The following POPDC2 variants were observed in gnomAD, a reference collection of about 807,000 sequenced individuals.
POPDC2 encodes popeye domain cAMP effector 2.
Under a neutral mutation model 30.5 loss-of-function variants are expected in POPDC2, and 24 were observed. The observed-to-expected ratio is 0.79, with a 90% CI of 0.57 to 1.11. The LOEUF is 1.11. Ranked by LOEUF, POPDC2 falls within the 50% of genes least tolerant of loss-of-function variation. The pLI, the probability that POPDC2 is intolerant of heterozygous loss-of-function variation, is 0.00. For missense variants in POPDC2, 409 were observed against 447.0 expected (o/e 0.91, Z 0.77); for synonymous variants, 185 against 183.3 (o/e 1.01, Z -0.07).
intron 2 of POPDC2, among the ~76,000 whole-genome samples, chr3:119,649,686 G>A (rs765717960): frequency 6.6e-5 from 10 of 152,188 alleles, no homozygotes; most frequent in Non-Finnish European, 8.8e-5. Flanking sequence ...GGTGCCAGGC[G>A]TTGTGTTAAG....
intron 2 of POPDC2, among the ~76,000 whole-genome samples, chr3:119,651,467 A>T (rs1029949354): frequency 1.3e-5 from 2 of 152,052 alleles, no homozygotes; most frequent in Non-Finnish European, 2.9e-5. Flanking sequence ...TGTAAATTGC[A>T]TGAGGGGAGG....
At position 119,648,385 on chromosome 3, in the gene POPDC2, G is replaced by T; in HGVS notation, c.884C>A (p.Ser295Tyr). The change falls in exon 3 of 4, where the codon TCC becomes TAC. Residue 295 changes from serine to tyrosine, a missense_variant. Physicochemically the swap from Ser to Tyr is moderately radical, Grantham distance 144. Transcript: ENST00000493094. ...GDEEVCEPAV[S>Y]PPQATPTSLQ... ...AGAGGTGGGTGTGGCCTGAGGAGGG[G>T]ACACAGCTGGCTCACAGACTTCCTC... The T allele has an allele frequency of 6.2e-7, 1 of 1,614,138 alleles. No individual in the cohort carries two copies. The highest frequency in any genetic ancestry group is 1.1e-5 in the South Asian group (1 of 91,076).
intron 3 of POPDC2, among the ~76,000 whole-genome samples, chr3:119,646,771 C>G (rs1359814708): frequency 6.6e-6 from 1 of 152,138 alleles, no homozygotes; most frequent in East Asian, 1.9e-4. Flanking sequence ...CATGAGAAAA[C>G]AGAGAGCTGC....
intron 2 of POPDC2, among the ~76,000 whole-genome samples, chr3:119,651,637 C>T (rs919123468): frequency 4.6e-5 from 7 of 152,000 alleles, no homozygotes; most frequent in African/African-American, 1.7e-4. Context: ...TTTCTTCCCC[C>T]ACCCCACCGC....
At position 119,660,463 on chromosome 3, in the gene POPDC2, TC is replaced by T; in HGVS notation, c.-41del. On this transcript the variant is annotated 5_prime_UTR_variant, in exon 1 of 4. Transcript: ENST00000493094. ...AAAGCCTCACTGGGCTCTAATACTG[TC>T]CTCACATAGGAAATTCAGAAAATGA... 6.4e-7 allele frequency: 1 copy of T among 1,566,190 alleles called. No homozygotes were observed. The highest frequency in any genetic ancestry group is 1.2e-5 in the South Asian group (1 of 84,508).
At chr3:119,647,974 T>C (rs1056983319) in intron 3 of POPDC2, 145 bp downstream of exon 3, 6 of 571,898 alleles carry the variant, frequency 1.0e-5, no homozygotes, top group Non-Finnish European at 1.5e-5. Flanking sequence ...CCGGAGTGAG[T>C]TGCTATCTTC....
rs1577175517 is a variant in POPDC2, at chr3:119,660,510, G to A, written c.-87C>T. Reference sequence around the variant, plus strand: ...AATGAATGAATCCATCCGCTCAGGGGTCTTCTCACCTCCGGCTTCTCACTA... The same window carrying A: ...AATGAATGAATCCATCCGCTCAGGGATCTTCTCACCTCCGGCTTCTCACTA... On this transcript the variant is annotated 5_prime_UTR_variant, in exon 1 of 4. Coordinates refer to ENST00000493094, the MANE Select transcript of POPDC2 (RefSeq NM_001369919.2). 1 of 1,443,268 alleles carries A rather than the reference G, an allele frequency of 6.9e-7. No homozygotes were observed. The highest frequency in any genetic ancestry group is 1.4e-5 in the South Asian group (1 of 70,862). 89.4% of individuals were successfully genotyped at this position (1,443,268 alleles called of 1,614,324 possible). A position where few individuals can be genotyped will look rare whatever the true frequency, so the allele number is the denominator to read the frequency against.
At position 119,655,735 on chromosome 3, in the gene POPDC2, A is replaced by C. The variant is rs537036575; in HGVS notation, c.492-1122T>G. Among the ~76,000 whole-genome samples, 5 of 152,352 alleles carry C rather than the reference A, an allele frequency of 3.3e-5. No homozygotes were observed. The East Asian group carries it at 9.6e-4, about 29-fold the overall frequency. ...ATAGCTAAGGAAACTGGTGCTCAGA[A>C]GGGTTGAGTGGCGAGCTTAAGGCTA... On this transcript the variant is annotated intron_variant, in intron 1 of 3. Transcript: ENST00000493094.
chr3:119,651,723 C>T (rs2052812774), intron 2 of POPDC2, among the ~76,000 whole-genome samples: 1 of 151,732 alleles, frequency 6.6e-6, no homozygotes, highest in African/African-American at 2.4e-5. Flanking sequence ...GCAATGTCCA[C>T]CTCCCGGGTT....
rs748304547 is a variant in POPDC2 at position 119,648,218 on chromosome 3, C to T, written c.1051G>A (p.Val351Met). 6.3e-7 allele frequency: 1 copy of T among 1,593,494 alleles called. No homozygotes were observed. Among genetic ancestry groups the T allele is most frequent in the Admixed American group, 1.8e-5 (1 of 56,352 alleles). The change falls in exon 3 of 4, where the codon GTG (valine) becomes ATG (methionine). Residue 351 changes from valine to methionine, a missense_variant. Coordinates refer to ENST00000493094, the MANE Select transcript of POPDC2 (RefSeq NM_001369919.2). Reference sequence around the variant, plus strand: ...TCCATAAACGATTCTGATCCTGACACCTCCTCAAAATCCTCCAGCACCAGA... The same window carrying T: ...TCCATAAACGATTCTGATCCTGACATCTCCTCAAAATCCTCCAGCACCAGA... ...TSLVLEDFEEVSGSESFMDYR... is the reference protein window; with the variant it reads ...TSLVLEDFEEMSGSESFMDYR...
chr3:119,651,363 G>T (rs1253562858), intron 2 of POPDC2, among the ~76,000 whole-genome samples: 5 of 148,834 alleles, frequency 3.4e-5, no homozygotes, highest in African/African-American at 4.9e-5. Context: ...ACTACTCTAG[G>T]TTTTTTTTTT....
chr3:119,652,788 G>C (rs987719769), intron 2 of POPDC2, among the ~76,000 whole-genome samples: 2 of 152,218 alleles, frequency 1.3e-5, no homozygotes, highest in African/African-American at 4.8e-5. Context: ...TCTGTGGCTG[G>C]TGACCCTGGC....
Position 119,648,218 on chromosome 3 carries a change from C to A in POPDC2, c.1051G>T (p.Val351Leu), listed in dbSNP as rs748304547. 1 of 1,593,494 alleles carries A rather than the reference C, an allele frequency of 6.3e-7. No individual in the cohort carries two copies. Among genetic ancestry groups the A allele is most frequent in the Non-Finnish European group, 8.6e-7 (1 of 1,169,314 alleles). Residue 351 changes from valine to leucine, a missense_variant, in exon 3 of 4, where the codon GTG becomes TTG. By Grantham distance (32) the Val-to-Leu change is conservative. Transcript: ENST00000493094. ...TCCATAAACGATTCTGATCCTGACA[C>A]CTCCTCAAAATCCTCCAGCACCAGA... ...TSLVLEDFEE[V>L]SGSESFMDYR...
At chr3:119,645,775 C>T (rs1347033917) in intron 3 of POPDC2, among the ~76,000 whole-genome samples, 1 of 152,172 alleles carries the variant, frequency 6.6e-6, no homozygotes, top group African/African-American at 2.4e-5. Flanking sequence ...CTGAAAGACA[C>T]TCAGATGTCC....
chr3:119,660,595 A>G (rs574829805), upstream of POPDC2: 65 of 672,870 alleles, frequency 9.7e-5, no homozygotes, highest in Non-Finnish European at 1.4e-4. Flanking sequence ...ATGATGGAAC[A>G]TAGTACACTT....
Position 119,648,687 on chromosome 3 carries a change from A to G in POPDC2, c.601-19T>C. The G allele has an allele frequency of 6.3e-7, 1 of 1,582,702 alleles. No individual in the cohort carries two copies. The highest frequency in any genetic ancestry group is 1.2e-5 in the South Asian group (1 of 86,008). On this transcript the variant is annotated intron_variant, in intron 2 of 3. Transcript: ENST00000493094. The stretch of plus-strand genomic sequence containing the variant: ...GAGTGACCTGAGAGGGGTCAGAAGC[A>G]GACAATAAAAGTTTAAACTAGAAAA...
intron 2 of POPDC2, among the ~76,000 whole-genome samples, chr3:119,653,663 G>C (rs990606517): frequency 1.3e-5 from 2 of 152,074 alleles, no homozygotes; most frequent in African/African-American, 4.8e-5. Flanking sequence ...ATTTTTAGTA[G>C]AGACGGGATT....
At chr3:119,652,705 C>T (rs2107819300) in intron 2 of POPDC2, among the ~76,000 whole-genome samples, 1 of 152,264 alleles carries the variant, frequency 6.6e-6, no homozygotes, top group Middle Eastern at 3.4e-3. Context: ...GAGAGAGTTC[C>T]TGAAGAAGGT....
chr3:119,649,412 T>C (rs2052785556), intron 2 of POPDC2, among the ~76,000 whole-genome samples: 1 of 152,224 alleles, frequency 6.6e-6, no homozygotes, highest in Admixed American at 6.5e-5. Flanking sequence ...TAAATTACGC[T>C]TGCATGGGAA....
Sources: allele counts gnomAD v4.1 joint callset (sites outside exome capture counted in the v4.1 genomes callset), GRCh38; gene constraint gnomAD v4.1.1; transcripts MANE v1.5; gene names NCBI Gene and HGNC (gene_info 2026-07-23, HGNC 2026-07-21).